Variants in CNTN5 observed in about 807,000 individuals in gnomAD.
CNTN5 encodes the protein contactin 5.
Under a neutral mutation model 129.1 loss-of-function variants are expected in CNTN5, and 77 were observed. The ratio of observed to expected loss-of-function variants is 0.60; its 90% CI spans 0.50 to 0.72. The LOEUF is 0.72. CNTN5 is among the 30% of genes least tolerant of loss of function. The probability of loss-of-function intolerance (pLI) is 0.00; values close to 1 mark genes in which losing one functional copy is unlikely to be tolerated. For synonymous variants in CNTN5, 509 were observed against 465.6 expected, an observed-to-expected ratio of 1.09 and a Z score of -1.20; for missense variants, 1,478 against 1,328.8, an observed-to-expected ratio of 1.11 and a Z score of -1.75.
intron 1 of CNTN5, among the ~76,000 whole-genome samples, chr11:99,290,864 G>T (rs1372586257): frequency 1.3e-5 from 2 of 151,826 alleles, no homozygotes; most frequent in Non-Finnish European, 3.0e-5. Context: ...TTTCATTAAA[G>T]TTATGCTTTA....
chr11:99,269,787 G>A (rs977293825), intron 1 of CNTN5, among the ~76,000 whole-genome samples: 1 of 151,532 alleles, frequency 6.6e-6, no homozygotes, highest in African/African-American at 2.4e-5. Flanking sequence ...ATTTTCATAA[G>A]CATTGTGTCT....
intron 3 of CNTN5, among the ~76,000 whole-genome samples, chr11:99,765,923 A>C (rs1944739265): frequency 6.6e-6 from 1 of 152,022 alleles, no homozygotes; most frequent in Non-Finnish European, 1.5e-5. Context: ...TATAAAGATA[A>C]AATTGTTAAA....
At chr11:99,717,588 G>A (rs944787026) in intron 3 of CNTN5, among the ~76,000 whole-genome samples, 5 of 151,942 alleles carry the variant, frequency 3.3e-5, no homozygotes, top group South Asian at 2.1e-4. Context: ...CAGGTGTTCC[G>A]AATCAAGCAT....
At chr11:99,186,052 C>G (rs928543774) in intron 1 of CNTN5, among the ~76,000 whole-genome samples, 6 of 151,616 alleles carry the variant, frequency 4.0e-5, no homozygotes, top group Non-Finnish European at 5.9e-5. Context: ...GATGGAGAAC[C>G]ATGTTACATA....
At chr11:100,279,143 G>A (rs1950578557) in intron 18 of CNTN5, among the ~76,000 whole-genome samples, 1 of 151,906 alleles carries the variant, frequency 6.6e-6, no homozygotes, top group Non-Finnish European at 1.5e-5. Flanking sequence ...TTGCATCCCA[G>A]GGATAAATTC....
chr11:99,247,366 G>A (rs1861864061), intron 1 of CNTN5, among the ~76,000 whole-genome samples: 1 of 152,022 alleles, frequency 6.6e-6, no homozygotes, highest in South Asian at 2.1e-4. Flanking sequence ...AAAGTCTGAT[G>A]TACCATATAC....
intron 3 of CNTN5, among the ~76,000 whole-genome samples, chr11:99,590,097 A>G (rs1407560780): frequency 1.3e-5 from 2 of 152,198 alleles, no homozygotes; most frequent in Non-Finnish European, 1.5e-5. Context: ...CATCATGAGC[A>G]GAGATGAACA....
chr11:99,598,773 C>A (rs990561871), intron 3 of CNTN5, among the ~76,000 whole-genome samples: 4 of 151,848 alleles, frequency 2.6e-5, no homozygotes, highest in Non-Finnish European at 5.9e-5. Context: ...TAAACTTTTG[C>A]TAATATTACT....
chr11:99,749,152 G>T (rs1944152801), intron 3 of CNTN5, among the ~76,000 whole-genome samples: 2 of 152,012 alleles, frequency 1.3e-5, no homozygotes, highest in Non-Finnish European at 2.9e-5. Flanking sequence ...GCTTACTGAT[G>T]GTTCAGTGTA....
intron 8 of CNTN5, among the ~76,000 whole-genome samples, chr11:99,981,682 G>A (rs1386080408): frequency 1.3e-5 from 2 of 152,184 alleles, no homozygotes; most frequent in African/African-American, 4.8e-5. Flanking sequence ...AGGAATTGGT[G>A]AAAATCCTAG....
intron 1 of CNTN5, among the ~76,000 whole-genome samples, chr11:99,125,344 T>TAAAAAAA (rs34985933): frequency 6.7e-6 from 1 of 149,414 alleles, no homozygotes; most frequent in Non-Finnish European, 1.5e-5. Flanking sequence ...TCAACAGAAC[T>TAAAAAAA]AAAAAAAAAA....
At chr11:100,007,243 G>A (rs548998278) in intron 9 of CNTN5, among the ~76,000 whole-genome samples, 1 of 152,104 alleles carries the variant, frequency 6.6e-6, no homozygotes, top group East Asian at 1.9e-4. Context: ...TTTCAAATTG[G>A]TAAATGAGCA....
At chr11:99,639,467 C>G (rs1951685605) in intron 3 of CNTN5, among the ~76,000 whole-genome samples, 1 of 151,018 alleles carries the variant, frequency 6.6e-6, no homozygotes, top group Admixed American at 6.6e-5. Flanking sequence ...TTTTTATTTT[C>G]TATTGCATAG....
At chr11:99,782,514 T>G (rs7109150) in intron 3 of CNTN5, among the ~76,000 whole-genome samples, 1 of 150,750 alleles carries the variant, frequency 6.6e-6, no homozygotes, top group African/African-American at 2.4e-5. Context: ...GAGCCCGCAT[T>G]GCCAAGTCAA....
At chr11:100,328,637 C>T (rs1294934494) in intron 21 of CNTN5, among the ~76,000 whole-genome samples, 1 of 152,096 alleles carries the variant, frequency 6.6e-6, no homozygotes, top group Non-Finnish European at 1.5e-5. Flanking sequence ...ATCAAAAGAA[C>T]AGCAAGGGGG....
intron 2 of CNTN5, among the ~76,000 whole-genome samples, chr11:99,462,366 T>C (rs964194951): frequency 2.0e-5 from 3 of 148,148 alleles, no homozygotes; most frequent in Admixed American, 6.7e-5. Flanking sequence ...TTTTCTTTTT[T>C]TTTTTTTTTT....
At chr11:99,940,591 T>C (rs979870320) in intron 7 of CNTN5, among the ~76,000 whole-genome samples, 3 of 152,146 alleles carry the variant, frequency 2.0e-5, no homozygotes, top group Non-Finnish European at 4.4e-5. Flanking sequence ...CTTCTACATA[T>C]GCATTTTCAT....
chr11:100,344,096 C>T (rs1952226860), intron 23 of CNTN5, among the ~76,000 whole-genome samples: 2 of 152,014 alleles, frequency 1.3e-5, no homozygotes, highest in Admixed American at 1.3e-4. Flanking sequence ...TTAATTTTCA[C>T]TCTTTGTCTT....
intron 1 of CNTN5, among the ~76,000 whole-genome samples, chr11:99,060,603 G>C (rs1268535784): frequency 6.7e-6 from 1 of 148,906 alleles, no homozygotes; most frequent in African/African-American, 2.6e-5. Flanking sequence ...TTAAAATATG[G>C]ATTTTTTTTT....
Sources: allele counts gnomAD v4.1 joint callset (sites outside exome capture counted in the v4.1 genomes callset), GRCh38; gene constraint gnomAD v4.1.1; transcripts MANE v1.5; gene names NCBI Gene and HGNC (gene_info 2026-07-23, HGNC 2026-07-21).